Variants in GAB2 observed in about 807,000 individuals in gnomAD.
GAB2 encodes the protein GRB2-associated-binding protein 2.
In GAB2, 26 loss-of-function variants were observed where a neutral mutation model predicts 65.5. The ratio of observed to expected loss-of-function variants is 0.40; its 90% CI spans 0.29 to 0.55. The LOEUF (loss-of-function observed/expected upper bound fraction) is 0.55, where lower values mean the gene tolerates loss of function less well. Ranked by LOEUF, GAB2 falls within the 20% of genes least tolerant of loss-of-function variation. The probability of loss-of-function intolerance (pLI) is 0.53; values close to 1 mark genes in which losing one functional copy is unlikely to be tolerated. For synonymous variants in GAB2, 321 were observed against 329.6 expected, an observed-to-expected ratio of 0.97 and a Z score of 0.28; for missense variants, 884 against 875.8, an observed-to-expected ratio of 1.01 and a Z score of -0.12.
At chr11:78,402,684 C>T (rs1440379388) in intron 1 of GAB2, among the ~76,000 whole-genome samples, 1 of 151,872 alleles carries the variant, frequency 6.6e-6, no homozygotes, top group Non-Finnish European at 1.5e-5. Context: ...TCAAACTCCT[C>T]AGGTGACCTG....
rs972698817 is a variant in GAB2 at position 78,343,211 on chromosome 11, T to C, written c.76-62310A>G. ...CACCATGAGAAAATATCTAGAGATG[T>C]AGACTGACTTACACATGAAGATAAC... On this transcript the variant is annotated intron_variant, in intron 1 of 9. Transcript: ENST00000361507. Among the ~76,000 whole-genome samples the C allele has an allele frequency of 2.6e-5, 4 of 152,322 alleles. No homozygotes were observed. The East Asian group carries it at 7.7e-4, about 29-fold the overall frequency.
intron 1 of GAB2, among the ~76,000 whole-genome samples, chr11:78,323,544 C>CCACACTTATAATGTT: frequency 6.6e-6 from 1 of 151,918 alleles, no homozygotes; most frequent in East Asian, 1.9e-4. Flanking sequence ...AAACCAAACA[C>CCACACTTATAATGTT]CACACTTATA....
chr11:78,406,882 CAG>C (rs567588995), intron 1 of GAB2, among the ~76,000 whole-genome samples: 9,584 of 151,974 alleles, frequency 0.063, 967 homozygotes, highest in African/African-American at 0.22. Context: ...AACAAAGTCT[CAG>C]TAAAAAAATA....
intron 1 of GAB2, among the ~76,000 whole-genome samples, chr11:78,281,580 T>C (rs553237786): frequency 2.6e-5 from 4 of 152,250 alleles, no homozygotes; most frequent in East Asian, 1.9e-4. Context: ...TCAGATATCA[T>C]AGGTTAAAGA....
chr11:78,384,856 A>T (rs1003971653), intron 1 of GAB2, among the ~76,000 whole-genome samples: 2 of 152,226 alleles, frequency 1.3e-5, no homozygotes, highest in Non-Finnish European at 2.9e-5. Context: ...GCACAAAAGC[A>T]CCAAAGACTG....
chr11:78,407,397 G>C (rs1420000344), intron 1 of GAB2, among the ~76,000 whole-genome samples: 1 of 152,060 alleles, frequency 6.6e-6, no homozygotes, highest in African/African-American at 2.4e-5. Flanking sequence ...TTGGGAGGCT[G>C]AGTTGGGTGG....
chr11:78,313,476 C>T (rs1265854392), intron 1 of GAB2, among the ~76,000 whole-genome samples: 1 of 152,158 alleles, frequency 6.6e-6, no homozygotes, highest in East Asian at 1.9e-4. Flanking sequence ...AAGGAATAAT[C>T]CAGCTAGGAA....
At chr11:78,361,340 T>A (rs1488081544) in intron 1 of GAB2, among the ~76,000 whole-genome samples, 1 of 152,150 alleles carries the variant, frequency 6.6e-6, no homozygotes, top group Non-Finnish European at 1.5e-5. Context: ...ATTGTTATAG[T>A]GACTACACAG....
At chr11:78,245,664 T>C (rs1052919968) in intron 3 of GAB2, among the ~76,000 whole-genome samples, 2 of 152,214 alleles carry the variant, frequency 1.3e-5, no homozygotes, top group South Asian at 2.1e-4. Flanking sequence ...CTAACACTTA[T>C]ACATATTTTA....
In GAB2 at chr11:78,398,021, T is replaced by TACACACACACACACACAC. The variant is rs1554999817; in HGVS notation, c.75+19607_75+19624dup. Among the ~76,000 whole-genome samples the TACACACACACACACACAC allele has an allele frequency of 5.8e-3, 649 of 112,520 alleles. 4 individuals carry two copies. The highest frequency in any genetic ancestry group is 0.019 in the African/African-American group (606 of 31,816). The allele number at this position is 112,520 out of a possible 152,430, so 73.8% of individuals were successfully genotyped here. ...TGCTATGGTCCTGCCTGTGAATAGC[T>TACACACACACACACACAC]ACACACACACACACACACACATCCC... On this transcript the variant is annotated intron_variant, in intron 1 of 9. Transcript: ENST00000361507.
At chr11:78,363,859 T>G (rs1348192006) in intron 1 of GAB2, among the ~76,000 whole-genome samples, 1 of 152,118 alleles carries the variant, frequency 6.6e-6, no homozygotes, top group Non-Finnish European at 1.5e-5. Context: ...GCTGGAAATG[T>G]AGGCATGAGC....
chr11:78,326,406 A>G (rs1240294928), intron 1 of GAB2, among the ~76,000 whole-genome samples: 2 of 152,196 alleles, frequency 1.3e-5, no homozygotes, highest in African/African-American at 2.4e-5. Context: ...GGATTTCTTT[A>G]TAAAAGGAAA....
chr11:78,225,096 A>AC lies in GAB2; in HGVS notation c.1302+11dup, dbSNP rs778364618. 1.9e-6 allele frequency: 3 copies of AC among 1,587,070 alleles called. No individual in the cohort carries two copies. The highest frequency in any genetic ancestry group is 2.2e-5 in the East Asian group (1 of 44,684). On this transcript the variant is annotated intron_variant, in intron 5 of 9. Coordinates refer to ENST00000361507, the MANE Select transcript of GAB2 (RefSeq NM_080491.3). The stretch of plus-strand genomic sequence containing the variant: ...GGCCGGCCTGAGGACCCTTGGGTTA[A>AC]CCCACACTCACCAGGAAAGAGCCAA...
intron 2 of GAB2, among the ~76,000 whole-genome samples, chr11:78,261,923 G>A (rs1328524865): frequency 6.6e-6 from 1 of 152,148 alleles, no homozygotes; most frequent in Non-Finnish European, 1.5e-5. Flanking sequence ...CCTTTCCACA[G>A]AAATATCCAA....
intron 1 of GAB2, among the ~76,000 whole-genome samples, chr11:78,346,051 T>G (rs1001159970): frequency 9.9e-5 from 15 of 152,196 alleles, no homozygotes; most frequent in Non-Finnish European, 1.6e-4. Context: ...AATTTCTCAC[T>G]AGCAAATAAT....
intron 2 of GAB2, among the ~76,000 whole-genome samples, chr11:78,262,243 T>C (rs1262704416): frequency 2.6e-5 from 4 of 152,182 alleles, no homozygotes; most frequent in Admixed American, 6.5e-5. Context: ...GAAAGGAACA[T>C]GCACGTTGGA....
intron 1 of GAB2, among the ~76,000 whole-genome samples, chr11:78,306,464 T>G (rs566591598): frequency 8.9e-4 from 135 of 152,302 alleles, no homozygotes; most frequent in African/African-American, 3.2e-3. Context: ...ACTCCTGAGC[T>G]CAGGCAATCT....
At chr11:78,321,494 C>T (rs758640331) in intron 1 of GAB2, among the ~76,000 whole-genome samples, 3 of 152,154 alleles carry the variant, frequency 2.0e-5, no homozygotes, top group Non-Finnish European at 2.9e-5. Context: ...CCCACAGCAG[C>T]GTGGAGTGCA....
At chr11:78,278,913 T>G (rs1866251601) in intron 2 of GAB2, among the ~76,000 whole-genome samples, 2 of 152,262 alleles carry the variant, frequency 1.3e-5, no homozygotes, top group South Asian at 4.1e-4. Flanking sequence ...AATAAAAATG[T>G]TACAGTGAAC....
Sources: gnomAD v4.1 joint callset for allele counts (sites outside exome capture counted in the v4.1 genomes callset) on GRCh38, gnomAD v4.1.1 for gene constraint, MANE v1.5 for transcripts, NCBI Gene and HGNC (gene_info 2026-07-23, HGNC 2026-07-21) for gene names.